Variants in KLF12 observed in about 807,000 individuals in gnomAD.
KLF12 encodes the protein KLF transcription factor 12.
A neutral mutation model predicts 37.8 loss-of-function variants in KLF12; 9 were observed. That is an observed-to-expected ratio of 0.24 (90% CI 0.14 to 0.42). KLF12 has a LOEUF of 0.42. Ranked by LOEUF, KLF12 falls within the 10% of genes least tolerant of loss-of-function variation. The pLI, the probability that KLF12 is intolerant of heterozygous loss-of-function variation, is 1.00. For synonymous variants in KLF12, 208 were observed against 202.1 expected (o/e 1.03, Z -0.25); for missense variants, 411 against 516.0 (o/e 0.80, Z 1.97).
At chr13:74,270,856 C>T in the KLF12 span, among the ~76,000 whole-genome samples, 1 of 152,126 alleles carries the variant, frequency 6.6e-6, no homozygotes, top group Admixed American at 6.6e-5. Context: ...GTTAGACTTG[C>T]ATTGGGTCTG....
chr13:74,199,600 G>A, the KLF12 span, among the ~76,000 whole-genome samples: 1 of 152,164 alleles, frequency 6.6e-6, no homozygotes, highest in African/African-American at 2.4e-5. Context: ...TACAGGACCT[G>A]TAGAGGCTCT....
intron 3 of KLF12, among the ~76,000 whole-genome samples, chr13:73,877,593 T>C (rs1459991818): frequency 6.6e-6 from 1 of 152,222 alleles, no homozygotes; most frequent in Non-Finnish European, 1.5e-5. Flanking sequence ...CCACTGTTGA[T>C]ATTGACAGGT....
chr13:73,826,730 T>A (rs1254308680), intron 4 of KLF12, among the ~76,000 whole-genome samples: 1 of 151,946 alleles, frequency 6.6e-6, no homozygotes, highest in African/African-American at 2.4e-5. Context: ...ACAGTTTTGC[T>A]CTTTTTAAAA....
chr13:74,281,653 A>C, the KLF12 span, among the ~76,000 whole-genome samples: 2 of 152,242 alleles, frequency 1.3e-5, no homozygotes, highest in Admixed American at 6.5e-5. Flanking sequence ...CTATAGAATG[A>C]ATAACATCAA....
chr13:73,695,574 C>T lies in KLF12; in HGVS notation c.1125G>A (p.Lys375=). ...GATCACAGTCCGCGCACTTGAATGG[C>T]TTCACTCCCGTATGTTTGCGGTAAT... Residue 375 remains lysine (K), a synonymous_variant, in exon 8 of 8, where the codon AAG becomes AAA. Transcript: ENST00000377669. 2 of 1,614,108 alleles carry T rather than the reference C, an allele frequency of 1.2e-6. No homozygotes were observed. Among genetic ancestry groups the T allele is most frequent in the Non-Finnish European group, 1.7e-6 (2 of 1,179,968 alleles).
intron 5 of KLF12, among the ~76,000 whole-genome samples, chr13:73,807,799 C>T (rs796607371): frequency 2.7e-4 from 41 of 152,256 alleles, no homozygotes; most frequent in African/African-American, 9.4e-4. Flanking sequence ...CACCTTTCAC[C>T]CCACTCTTCC....
At chr13:73,872,030 C>T (rs1057269253) in intron 3 of KLF12, among the ~76,000 whole-genome samples, 17 of 152,100 alleles carry the variant, frequency 1.1e-4, no homozygotes, top group Non-Finnish European at 2.4e-4. Context: ...TGAATCAAAG[C>T]GGGATTTCCT....
At chr13:73,938,854 GGAGT>G (rs1167546748) in intron 3 of KLF12, among the ~76,000 whole-genome samples, 1 of 152,102 alleles carries the variant, frequency 6.6e-6, no homozygotes, top group Non-Finnish European at 1.5e-5. Context: ...GTTAAGGCAT[GGAGT>G]ATTGACGTGA....
intron 4 of KLF12, among the ~76,000 whole-genome samples, chr13:73,837,437 G>T (rs2138625991): frequency 6.6e-6 from 1 of 152,250 alleles, no homozygotes; most frequent in Non-Finnish European, 1.5e-5. Flanking sequence ...TCTTGTGCAT[G>T]CCCAGAAGTG....
chr13:73,987,716 G>C (rs917072481), intron 2 of KLF12, among the ~76,000 whole-genome samples: 1 of 140,036 alleles, frequency 7.1e-6, no homozygotes, highest in East Asian at 2.2e-4. Context: ...GAGAGAAAGT[G>C]GGGGGGTAGA....
chr13:74,022,668 CAA>C lies in KLF12; in HGVS notation c.-31-27617_-31-27616del, dbSNP rs58422903. On this transcript the variant is annotated intron_variant, in intron 1 of 7. Coordinates refer to ENST00000377669, the MANE Select transcript of KLF12 (RefSeq NM_007249.5). ...AAAATAGGAGGGAAAAGGGTAAATC[CAA>C]AAAAAAAAAAAAAATTGACCCCCTC... is the stretch of plus-strand genomic sequence containing the variant. 3.1e-3 allele frequency among the ~76,000 whole-genome samples: 422 copies of C among 136,388 alleles called. 1 individual carries two copies. Among genetic ancestry groups the C allele is most frequent in the Middle Eastern group, 7.3e-3 (2 of 274 alleles). The allele number at this position is 136,388 out of a possible 152,430, so 89.5% of individuals were successfully genotyped here. A position where few individuals can be genotyped will look rare whatever the true frequency, so the allele number is the denominator to read the frequency against.
intron 5 of KLF12, among the ~76,000 whole-genome samples, chr13:73,789,716 G>A (rs372346858): frequency 6.9e-5 from 10 of 145,070 alleles, no homozygotes; most frequent in African/African-American, 2.3e-4. Flanking sequence ...TCGCTCTGTC[G>A]CCCAGGCTGG....
At chr13:74,295,836 C>T in the KLF12 span, among the ~76,000 whole-genome samples, 2 of 152,018 alleles carry the variant, frequency 1.3e-5, no homozygotes, top group Non-Finnish European at 2.9e-5. Flanking sequence ...TATTTTGAGA[C>T]AGGGTCTCAC....
chr13:74,048,055 A>G (rs1009937378), intron 1 of KLF12, among the ~76,000 whole-genome samples: 2 of 152,226 alleles, frequency 1.3e-5, no homozygotes, highest in African/African-American at 2.4e-5. Flanking sequence ...AAATGGTTCA[A>G]TATAGCACTG....
chr13:74,128,539 T>C (rs1389326115), intron 1 of KLF12, among the ~76,000 whole-genome samples: 3 of 152,192 alleles, frequency 2.0e-5, no homozygotes, highest in East Asian at 3.8e-4. Flanking sequence ...GTTAAGAAAT[T>C]TGACCAAGGT....
chr13:73,861,921 C>T (rs1885947392), intron 3 of KLF12, among the ~76,000 whole-genome samples: 1 of 152,076 alleles, frequency 6.6e-6, no homozygotes, highest in Admixed American at 6.6e-5. Flanking sequence ...GAAAAATTAA[C>T]TTGAAGTGTT....
At chr13:74,162,805 A>G in the KLF12 span, among the ~76,000 whole-genome samples, 2 of 152,196 alleles carry the variant, frequency 1.3e-5, no homozygotes, top group African/African-American at 2.4e-5. Context: ...ACAGCCGGAG[A>G]TATGGAATAA....
At chr13:73,916,240 C>CAT (rs1491250451) in intron 3 of KLF12, among the ~76,000 whole-genome samples, 20 of 67,984 alleles carry the variant, frequency 2.9e-4, no homozygotes, top group Admixed American at 2.7e-3. Flanking sequence ...CACACACACA[C>CAT]GCACACGCAC....
At chr13:73,835,517 A>C (rs57915722) in intron 4 of KLF12, among the ~76,000 whole-genome samples, 30,897 of 151,852 alleles carry the variant, frequency 0.2, 3,840 homozygotes, top group East Asian at 0.49. Context: ...AAGACAGAAA[A>C]ATGGAGGGAA....
Sources: gnomAD v4.1 joint callset for allele counts (sites outside exome capture counted in the v4.1 genomes callset) on GRCh38, gnomAD v4.1.1 for gene constraint, MANE v1.5 for transcripts, NCBI Gene and HGNC (gene_info 2026-07-23, HGNC 2026-07-21) for gene names.